Variants in NSF observed in about 807,000 individuals in gnomAD.
NSF encodes the protein vesicle-fusing ATPase.
NSF carries 14 observed loss-of-function variants against 50.3 expected under a neutral mutation model. That is an observed-to-expected ratio of 0.28 (90% CI 0.18 to 0.44). NSF has a LOEUF of 0.44. NSF is among the 20% of genes least tolerant of loss of function. NSF has a pLI of 1.00. For synonymous variants in NSF, 109 were observed against 175.7 expected (o/e 0.62, Z 3.00); for missense variants, 218 against 504.3 (o/e 0.43, Z 5.44).
At chr17:46,680,801 CGTA>C (rs1190847977) in intron 9 of NSF, among the ~76,000 whole-genome samples, 2 of 57,206 alleles carry the variant, frequency 3.5e-5, no homozygotes, top group Non-Finnish European at 7.5e-5. Context: ...GGATTTAACA[CGTA>C]GTTCTCAGAG....
chr17:46,662,655 A>G (rs1477383580), intron 8 of NSF, among the ~76,000 whole-genome samples: 1 of 139,010 alleles, frequency 7.2e-6, no homozygotes, highest in Non-Finnish European at 1.6e-5. Context: ...GAAGAAAGCT[A>G]TTGTCCAGAC....
chr17:46,744,317 T>C (rs1163785060), intron 17 of NSF, among the ~76,000 whole-genome samples: 2 of 152,242 alleles, frequency 1.3e-5, no homozygotes, highest in Non-Finnish European at 2.9e-5. Context: ...TGCTTAATAT[T>C]CTGAAATATT....
intron 17 of NSF, among the ~76,000 whole-genome samples, chr17:46,748,626 C>T (rs1428572855): frequency 2.6e-5 from 4 of 152,180 alleles, no homozygotes; most frequent in Admixed American, 6.5e-5. Context: ...GAGAGGAAAG[C>T]TCCAGAACTA....
Position 46,755,803 on chromosome 17 carries a change from A to G in NSF, c.2215A>G (p.Ser739Gly). Residue 739 changes from serine (S) to glycine (G), a missense_variant and splice_region_variant, in exon 21 of 21, where the codon AGC (serine) becomes GGC (glycine). Ser to Gly is a moderately conservative substitution (Grantham distance 56). Coordinates refer to ENST00000398238, the MANE Select transcript of NSF (RefSeq NM_006178.4). ...TGTGTTTTGGTATTTCTTTTGCAGTAGCCCCCTTGATTTTGATTGAAAATG... is the reference window on the plus strand; with the variant it reads ...TGTGTTTTGGTATTTCTTTTGCAGTGGCCCCCTTGATTTTGATTGAAAATG... Reference protein sequence around the residue: ...FLALLREEGASPLDFD With the variant: ...FLALLREEGAGPLDFD 2 of 1,605,176 alleles carry G rather than the reference A, an allele frequency of 1.2e-6. No homozygotes were observed. The highest frequency in any genetic ancestry group is 1.7e-6 in the Non-Finnish European group (2 of 1,178,228).
chr17:46,733,025 A>G (rs966774802), intron 17 of NSF, among the ~76,000 whole-genome samples: 4 of 152,216 alleles, frequency 2.6e-5, no homozygotes, highest in African/African-American at 4.8e-5. Context: ...GTAAAAGACC[A>G]CTGCAGTTCA....
intron 16 of NSF, among the ~76,000 whole-genome samples, chr17:46,728,085 C>T (rs1377412569): frequency 6.6e-6 from 1 of 152,028 alleles, no homozygotes; most frequent in Admixed American, 6.6e-5. Flanking sequence ...CTCAGGGGGC[C>T]TGCGAGTAGC....
intron 15 of NSF, among the ~76,000 whole-genome samples, chr17:46,723,298 CT>C (rs1169825693): frequency 6.6e-6 from 1 of 152,152 alleles, no homozygotes; most frequent in East Asian, 1.9e-4. Context: ...GGCATCAGAG[CT>C]TTTAGTAGAA....
intron 17 of NSF, among the ~76,000 whole-genome samples, chr17:46,745,470 A>G (rs1025207656): frequency 5.9e-5 from 9 of 152,358 alleles, no homozygotes; most frequent in African/African-American, 2.2e-4. Context: ...TGGTTGCTCT[A>G]CATTTCCCAA....
In NSF at chr17:46,728,899, G is replaced by A. The variant is rs373778816; in HGVS notation, c.1873G>A (p.Ala625Thr). ...GPRFSNLVLQALLVLLKKAPP... is the reference protein window; with the variant it reads ...GPRFSNLVLQTLLVLLKKAPP... ...TCGATTTTCAAATCTTGTATTACAG[G>A]CTCTTCTCGTTTTACTGAAAAAGGC... is the stretch of plus-strand genomic sequence containing the variant. The change falls in exon 17 of 21, where the codon GCT becomes ACT. Residue 625 changes from alanine to threonine, a missense_variant. By Grantham distance (58) the Ala-to-Thr change is moderately conservative. This residue lies in a region of NSF where 209 missense variants were observed against 320.9 expected (regional missense o/e 0.65). Coordinates refer to ENST00000398238, the MANE Select transcript of NSF (RefSeq NM_006178.4). The A allele has an allele frequency of 4.4e-6, 7 of 1,607,874 alleles. No homozygotes were observed. Among genetic ancestry groups the A allele is most frequent in the Non-Finnish European group, 5.9e-6 (7 of 1,177,318 alleles).
intron 14 of NSF, among the ~76,000 whole-genome samples, chr17:46,711,529 G>T (rs1052157724): frequency 6.6e-6 from 1 of 152,190 alleles, no homozygotes; most frequent in Non-Finnish European, 1.5e-5. Context: ...CCTGACTACG[G>T]TGTATGTGTG....
Position 46,756,044 on chromosome 17 carries a change from G to A in NSF, c.*221G>A, listed in dbSNP as rs948553310. 3.8e-6 allele frequency: 2 copies of A among 523,284 alleles called. No individual in the cohort carries two copies. The highest frequency in any genetic ancestry group is 1.9e-5 in the African/African-American group (1 of 51,554). The allele number at this position is 523,284 out of a possible 1,614,324, so 32.4% of individuals were successfully genotyped here. Reference sequence around the variant, plus strand: ...GTGTCAATTTGGTTTAGAATGCTGCGCTTACCTTCCCATGCAGGCTAAAGT... The same window carrying A: ...GTGTCAATTTGGTTTAGAATGCTGCACTTACCTTCCCATGCAGGCTAAAGT... On this transcript the variant is annotated 3_prime_UTR_variant, in exon 21 of 21. Coordinates refer to ENST00000398238, the MANE Select transcript of NSF (RefSeq NM_006178.4).
chr17:46,752,382 C>T (rs1371568411), intron 19 of NSF, among the ~76,000 whole-genome samples: 1 of 152,160 alleles, frequency 6.6e-6, no homozygotes, highest in Non-Finnish European at 1.5e-5. Context: ...GTTCAGAGAC[C>T]TTGGCTCTTA....
rs756042382 is a variant in NSF at position 46,751,615 on chromosome 17, A to G, written c.2156A>G (p.Gln719Arg). The change falls in exon 19 of 21, where the codon CAG becomes CGG. Residue 719 changes from glutamine to arginine, a missense_variant and splice_region_variant. Physicochemically the swap from Gln to Arg is conservative, Grantham distance 43. Transcript: ENST00000398238. ...KLLMLIEMSLQMDPEYRVRKF... is the reference protein window; with the variant it reads ...KLLMLIEMSLRMDPEYRVRKF... ...CTAATGCTGATCGAGATGTCCCTAC[A>G]GGTAAGGTACTTCGTTCTCCGTATG... 3 of 1,600,132 alleles carry G rather than the reference A, an allele frequency of 1.9e-6. No individual in the cohort carries two copies. Among genetic ancestry groups the G allele is most frequent in the Admixed American group, 3.3e-5 (2 of 59,898 alleles).
chr17:46,715,824 T>G (rs935921447), intron 15 of NSF, among the ~76,000 whole-genome samples: 6 of 152,224 alleles, frequency 3.9e-5, no homozygotes, highest in Non-Finnish European at 7.3e-5. Context: ...AGGTAGAGTT[T>G]CAGATGAGTA....
intron 13 of NSF, among the ~76,000 whole-genome samples, chr17:46,708,065 C>T (rs2058674328): frequency 1.3e-5 from 2 of 151,032 alleles, no homozygotes; most frequent in South Asian, 2.1e-4. Context: ...ATGATATGTA[C>T]ATACCACATG....
chr17:46,710,331 A>C (rs917258373), intron 13 of NSF, among the ~76,000 whole-genome samples: 2 of 152,216 alleles, frequency 1.3e-5, no homozygotes, highest in Non-Finnish European at 2.9e-5. Flanking sequence ...AGAAGGGTGC[A>C]ATTTAAGCTC....
At position 46,722,185 on chromosome 17, in the gene NSF, A is replaced by G. The variant is rs968678241; in HGVS notation, c.1762-4364A>G. Reference sequence around the variant, plus strand: ...CTGAACATGGCTTTCTCCTGGGAGAACTTGCAGCGCCTGCTTAGGAAGAGA... The same window carrying G: ...CTGAACATGGCTTTCTCCTGGGAGAGCTTGCAGCGCCTGCTTAGGAAGAGA... On this transcript the variant is annotated intron_variant, in intron 15 of 20. Coordinates refer to ENST00000398238, the MANE Select transcript of NSF (RefSeq NM_006178.4). The G allele has an allele frequency of 2.5e-6, 4 of 1,607,304 alleles. 1 individual carries two copies. The South Asian group carries it at 3.3e-5, about 13-fold the overall frequency.
intron 9 of NSF, among the ~76,000 whole-genome samples, chr17:46,677,630 AT>A (rs1303293007): frequency 1.4e-4 from 1 of 7,084 alleles, no homozygotes; most frequent in Admixed American, 1.5e-3. Flanking sequence ...GTAGTGGCAA[AT>A]TAGGTCATTT....
chr17:46,707,488 T>C (rs2058668124), intron 13 of NSF, among the ~76,000 whole-genome samples: 1 of 152,158 alleles, frequency 6.6e-6, no homozygotes, highest in Non-Finnish European at 1.5e-5. Flanking sequence ...TCTCTAAAAC[T>C]CTTTTCTTCT....
Sources: gnomAD v4.1 joint callset for allele counts (sites outside exome capture counted in the v4.1 genomes callset) on GRCh38, gnomAD v4.1.1 for gene constraint, gnomAD v4.1.1 regional missense constraint, MANE v1.5 for transcripts, NCBI Gene and HGNC (gene_info 2026-07-23, HGNC 2026-07-21) for gene names.